HS3ST4: variants seen among roughly 807,000 people sequenced by gnomAD.
HS3ST4 encodes heparan sulfate glucosamine 3-O-sulfotransferase 4.
Under a neutral mutation model 29.2 loss-of-function variants are expected in HS3ST4, and 17 were observed. That is an observed-to-expected ratio of 0.58 (90% CI 0.40 to 0.87). The LOEUF (loss-of-function observed/expected upper bound fraction) is 0.87. Ranked by LOEUF, HS3ST4 falls within the 40% of genes least tolerant of loss-of-function variation. The probability of loss-of-function intolerance (pLI) is 0.00; values close to 1 mark genes in which losing one functional copy is unlikely to be tolerated. For missense variants in HS3ST4, 627 were observed against 634.5 expected, an observed-to-expected ratio of 0.99 and a Z score of 0.13; for synonymous variants, 314 against 285.7, an observed-to-expected ratio of 1.10 and a Z score of -1.00.
chr16:25,907,216 A>T (rs760638823), intron 1 of HS3ST4, among the ~76,000 whole-genome samples: 4 of 152,072 alleles, frequency 2.6e-5, no homozygotes, highest in Non-Finnish European at 5.9e-5. Context: ...AAATTAAAAT[A>T]AAAAAAGATA....
At chr16:26,121,269 T>A (rs1899273463) in intron 1 of HS3ST4, among the ~76,000 whole-genome samples, 1 of 152,134 alleles carries the variant, frequency 6.6e-6, no homozygotes, top group South Asian at 2.1e-4. Context: ...GAGGCATAGC[T>A]ATAAGCAGTC....
At chr16:25,951,843 G>C (rs1968685954) in intron 1 of HS3ST4, among the ~76,000 whole-genome samples, 1 of 152,016 alleles carries the variant, frequency 6.6e-6, no homozygotes, top group African/African-American at 2.4e-5. Context: ...CATTTAGTCT[G>C]CCACCTGACT....
chr16:25,851,026 T>C lies in HS3ST4; in HGVS notation c.734+157875T>C, dbSNP rs571292945. 2.6e-5 allele frequency among the ~76,000 whole-genome samples: 4 copies of C among 152,270 alleles called. No homozygotes were observed. In the South Asian group the frequency reaches 8.3e-4, roughly 32 times the overall value. ...TTTAGTGGCTGGCAATTCTAAGCGG[T>C]TGGAGTCTTAAAGAGTGAAGCTTAA... On this transcript the variant is annotated intron_variant, in intron 1 of 1. Coordinates refer to ENST00000331351, the MANE Select transcript of HS3ST4 (RefSeq NM_006040.3).
chr16:26,127,803 C>A (rs1023094471), intron 1 of HS3ST4, among the ~76,000 whole-genome samples: 36 of 152,162 alleles, frequency 2.4e-4, no homozygotes, highest in African/African-American at 8.2e-4. Context: ...CTCTGACAAA[C>A]CTAAACCTTC....
intron 1 of HS3ST4, among the ~76,000 whole-genome samples, chr16:25,991,789 G>A (rs1969116088): frequency 6.6e-6 from 1 of 152,078 alleles, no homozygotes; most frequent in African/African-American, 2.4e-5. Flanking sequence ...TGGGAGGCTG[G>A]GGCGGGTGGA....
At chr16:26,117,373 C>G (rs2141807433) in intron 1 of HS3ST4, among the ~76,000 whole-genome samples, 1 of 152,310 alleles carries the variant, frequency 6.6e-6, no homozygotes, top group East Asian at 1.9e-4. Context: ...CTACTCAACT[C>G]CCATTCTTGT....
rs1204288996 is a variant in HS3ST4 at position 25,692,301 on chromosome 16, GGGCAGC to G, written c.-113_-108del. 7 of 144,080 alleles carry G rather than the reference GGGCAGC, an allele frequency of 4.9e-5. No homozygotes were observed. The highest frequency in any genetic ancestry group is 1.6e-4 in the Admixed American group (2 of 12,472). 8.9% of individuals were successfully genotyped at this position (144,080 alleles called of 1,614,324 possible). On this transcript the variant is annotated 5_prime_UTR_variant, in exon 1 of 2. Transcript: ENST00000331351. Reference sequence around the variant, plus strand: ...GTCGCTTCATGCAGCCGGGGCGGCTGGGCAGCGGCGGCGGCGGCGGCGGCGGCGGCG... The same window carrying G: ...GTCGCTTCATGCAGCCGGGGCGGCTGGGCGGCGGCGGCGGCGGCGGCGGCG...
intron 1 of HS3ST4, among the ~76,000 whole-genome samples, chr16:25,792,383 T>C (rs1966871182): frequency 6.6e-6 from 1 of 151,932 alleles, no homozygotes; most frequent in Non-Finnish European, 1.5e-5. Flanking sequence ...TGTTAAATAA[T>C]ATAATTTAAA....
At chr16:25,936,374 C>T (rs1968517226) in intron 1 of HS3ST4, among the ~76,000 whole-genome samples, 1 of 152,100 alleles carries the variant, frequency 6.6e-6, no homozygotes, top group Non-Finnish European at 1.5e-5. Flanking sequence ...GATTTAGAAC[C>T]ATCTGATCAA....
At chr16:26,064,425 C>T (rs1156358947) in intron 1 of HS3ST4, among the ~76,000 whole-genome samples, 5 of 152,076 alleles carry the variant, frequency 3.3e-5, no homozygotes, top group Admixed American at 6.6e-5. Flanking sequence ...GACTGAGCAT[C>T]GTGCAGAAGC....
intron 1 of HS3ST4, among the ~76,000 whole-genome samples, chr16:25,937,938 G>A (rs755724267): frequency 7.9e-5 from 12 of 152,142 alleles, no homozygotes; most frequent in Non-Finnish European, 1.2e-4. Context: ...TGGTGGAAAT[G>A]GGTGGTGTGC....
intron 1 of HS3ST4, among the ~76,000 whole-genome samples, chr16:25,740,156 A>G (rs892356500): frequency 1.3e-5 from 2 of 152,154 alleles, no homozygotes; most frequent in Non-Finnish European, 2.9e-5. Flanking sequence ...AGCCTACTGC[A>G]TCGTTCTAGG....
At chr16:25,808,212 T>C (rs1308774725) in intron 1 of HS3ST4, among the ~76,000 whole-genome samples, 1 of 152,202 alleles carries the variant, frequency 6.6e-6, no homozygotes, top group African/African-American at 2.4e-5. Flanking sequence ...CTAGCCTGGA[T>C]CCCAAAGACT....
chr16:25,844,521 C>A (rs2141646382), intron 1 of HS3ST4, among the ~76,000 whole-genome samples: 1 of 152,228 alleles, frequency 6.6e-6, no homozygotes, highest in Admixed American at 6.5e-5. Context: ...ATTTTTATAT[C>A]TTACAGAGTC....
At chr16:25,747,708 C>T (rs1966693779) in intron 1 of HS3ST4, among the ~76,000 whole-genome samples, 1 of 152,200 alleles carries the variant, frequency 6.6e-6, no homozygotes, top group Admixed American at 6.5e-5. Context: ...TTCTAGCGAT[C>T]ACTAGCAGAC....
intron 1 of HS3ST4, among the ~76,000 whole-genome samples, chr16:25,732,395 G>A (rs559455996): frequency 3.0e-4 from 46 of 152,278 alleles, no homozygotes; most frequent in Admixed American, 9.2e-4. Flanking sequence ...CATTTGGTGA[G>A]CCACGTTGAT....
At chr16:25,843,287 C>CT (rs1462402837) in intron 1 of HS3ST4, among the ~76,000 whole-genome samples, 1 of 152,188 alleles carries the variant, frequency 6.6e-6, no homozygotes, top group Non-Finnish European at 1.5e-5. Context: ...GAGCTGACCA[C>CT]TGGAGCTGTC....
intron 1 of HS3ST4, among the ~76,000 whole-genome samples, chr16:25,834,204 G>A (rs377695222): frequency 6.6e-6 from 1 of 152,312 alleles, no homozygotes; most frequent in Admixed American, 6.5e-5. Context: ...TTGTCAAAGG[G>A]TGGCCCCTAA....
intron 1 of HS3ST4, among the ~76,000 whole-genome samples, chr16:25,980,089 A>G (rs927261932): frequency 2.6e-5 from 4 of 152,040 alleles, no homozygotes; most frequent in South Asian, 2.1e-4. Context: ...TCACATGGCA[A>G]GTGTGGCCAT....
Sources: allele counts gnomAD v4.1 joint callset (sites outside exome capture counted in the v4.1 genomes callset), GRCh38; gene constraint gnomAD v4.1.1; transcripts MANE v1.5; gene names NCBI Gene and HGNC (gene_info 2026-07-23, HGNC 2026-07-21).